The following PUDP variants were observed in gnomAD, a reference collection of about 807,000 sequenced individuals.
PUDP encodes pseudouridine-5'-phosphatase.
In PUDP, 8 loss-of-function variants were observed where a neutral mutation model predicts 9.4. That is an observed-to-expected ratio of 0.85 (90% CI 0.50 to 1.53). The LOEUF is 1.53. Among genes scored for constraint, PUDP ranks in the 40% most tolerant of loss-of-function variants. PUDP has a pLI of 0.00. For missense variants in PUDP, 188 were observed against 189.7 expected (o/e 0.99, Z 0.05); for synonymous variants, 99 against 80.7 (o/e 1.23, Z -1.22).
intron 3 of PUDP, among the ~76,000 whole-genome samples, chrX:6,798,652 T>A (rs1464333231): frequency 8.9e-6 from 1 of 112,224 alleles, no homozygotes; most frequent in Non-Finnish European, 1.9e-5. Flanking sequence ...TAACTCTTTA[T>A]AATAAAGCAG....
At chrX:6,897,257 C>T (rs1927606000) in intron 3 of PUDP, among the ~76,000 whole-genome samples, 1 of 111,927 alleles carries the variant, frequency 8.9e-6, no homozygotes, top group African/African-American at 3.2e-5. Flanking sequence ...CATGACATAA[C>T]TCAATAGTGT....
chrX:6,887,937 G>C (rs947909852), intron 3 of PUDP, among the ~76,000 whole-genome samples: 1 of 111,361 alleles, frequency 9.0e-6, no homozygotes, highest in African/African-American at 3.3e-5. Context: ...GATGGGGTAA[G>C]AAGCTAAGCT....
chrX:6,728,107 G>GCACC (rs1325424893), intron 3 of PUDP, among the ~76,000 whole-genome samples: 9 of 111,303 alleles, frequency 8.1e-5, no homozygotes, highest in African/African-American at 1.3e-4. Context: ...AAAGGCATGT[G>GCACC]TTACATGGTG....
At chrX:6,944,670 G>C (rs1274928014) in intron 3 of PUDP, among the ~76,000 whole-genome samples, 3 of 111,057 alleles carry the variant, frequency 2.7e-5, no homozygotes, top group African/African-American at 9.8e-5. Flanking sequence ...GGTCCCTATA[G>C]AAACAAAAGA....
In PUDP at chrX:6,882,650, AAGAAAATCCAACTGGGTATC is replaced by A. The variant is rs1190685130; in HGVS notation, c.*247+94463_*247+94482del. 2.7e-5 allele frequency among the ~76,000 whole-genome samples: 3 copies of A among 111,911 alleles called. No individual in the cohort carries two copies. In the East Asian group the frequency reaches 8.4e-4, roughly 31 times the overall value. The stretch of plus-strand genomic sequence containing the variant: ...GTCATGAGCGGTGGTTAAGGCAATA[AAGAAAATCCAACTGGGTATC>A]AGGAAAGACAACGACTATATCAGGG... On this transcript the variant is annotated intron_variant and NMD_transcript_variant, in intron 3 of 3. Coordinates refer to the PUDP transcript ENST00000655425.
intron 1 of PUDP, among the ~76,000 whole-genome samples, chrX:7,031,895 C>G (rs1168160608): frequency 8.9e-6 from 1 of 111,879 alleles, no homozygotes; most frequent in Non-Finnish European, 1.9e-5. Flanking sequence ...ATACCTGGCA[C>G]TAAACATTAA....
intron 3 of PUDP, among the ~76,000 whole-genome samples, chrX:6,810,759 G>A (rs954508667): frequency 9.0e-6 from 1 of 111,489 alleles, no homozygotes; most frequent in Non-Finnish European, 1.9e-5. Flanking sequence ...CAGAAAGAAG[G>A]AAAATGAAAT....
chrX:7,066,876 A>G (rs1602744466), intron 3 of PUDP, among the ~76,000 whole-genome samples: 1 of 111,800 alleles, frequency 8.9e-6, no homozygotes, highest in Non-Finnish European at 1.9e-5. Context: ...CACACACATA[A>G]ACACACACAC....
intron 3 of PUDP, among the ~76,000 whole-genome samples, chrX:6,813,822 A>G (rs1689890537): frequency 9.0e-6 from 1 of 111,324 alleles, no homozygotes; most frequent in South Asian, 3.8e-4. Flanking sequence ...TGACTTAGCA[A>G]TTGTCAGGGA....
chrX:6,933,344 G>A (rs1928236452), intron 3 of PUDP, among the ~76,000 whole-genome samples: 1 of 111,553 alleles, frequency 9.0e-6, no homozygotes, highest in South Asian at 3.8e-4. Context: ...CCGCTGTTCT[G>A]CAAACACCGC....
intron 1 of PUDP, among the ~76,000 whole-genome samples, chrX:6,716,232 T>C (rs1240132744): frequency 8.9e-6 from 1 of 111,995 alleles, no homozygotes; most frequent in Non-Finnish European, 1.9e-5. Flanking sequence ...GGAATGGCTC[T>C]GGGCTGAACT....
chrX:6,813,694 C>G lies in PUDP; in HGVS notation c.*248-107228G>C, dbSNP rs773699202. Among the ~76,000 whole-genome samples, 4 of 111,723 alleles carry G rather than the reference C, an allele frequency of 3.6e-5. No homozygotes were observed. In the South Asian group the frequency reaches 1.5e-3, roughly 42 times the overall value. On this transcript the variant is annotated intron_variant and NMD_transcript_variant, in intron 3 of 3. Coordinates refer to the PUDP transcript ENST00000655425. ...TCTCAGCACCCCTATTCAGCTATCA[C>G]TCTCGTTTTGCTGTAGTAGGTCACA...
intron 3 of PUDP, among the ~76,000 whole-genome samples, chrX:6,830,865 G>A (rs552579604): frequency 3.6e-5 from 4 of 112,071 alleles, no homozygotes; most frequent in Admixed American, 9.4e-5. Flanking sequence ...CTCCTTGCCC[G>A]CTGCCTAGAC....
intron 1 of PUDP, among the ~76,000 whole-genome samples, chrX:7,142,299 T>A (rs1386842493): frequency 8.9e-6 from 1 of 112,453 alleles, no homozygotes; most frequent in African/African-American, 3.2e-5. Context: ...ATATCAATGT[T>A]AACAGGAGTT....
At chrX:7,138,569 C>T (rs184775352) in intron 1 of PUDP, among the ~76,000 whole-genome samples, 12 of 110,986 alleles carry the variant, frequency 1.1e-4, no homozygotes, top group African/African-American at 3.6e-4. Context: ...GATGGGGTTT[C>T]GCCATGTTGG....
rs143341323 is a variant in PUDP at position 6,710,560 on chromosome X, G to A, written n.129-4094C>T. Among the ~76,000 whole-genome samples, 185 of 111,632 alleles carry A rather than the reference G, an allele frequency of 1.7e-3. 1 individual carries two copies. Among genetic ancestry groups the A allele is most frequent in the African/African-American group, 5.7e-3 (175 of 30,735 alleles). ...TCTAGACCCAGCAGAAATGGTTGGC[G>A]TCAAATGTTCAAGGAGCAACACTTT... On this transcript the variant is annotated intron_variant and non_coding_transcript_variant, in intron 1 of 2. Transcript: ENST00000438499.
intron 3 of PUDP, among the ~76,000 whole-genome samples, chrX:6,917,372 T>TA (rs11377739): frequency 0.48 from 46,521 of 97,841 alleles, 9,828 homozygotes; most frequent in African/African-American, 0.74. Context: ...AACTCAAAAT[T>TA]AAAAAAAAAA....
chrX:6,918,544 G>A, intron 3 of PUDP, among the ~76,000 whole-genome samples: 1 of 112,248 alleles, frequency 8.9e-6, no homozygotes, highest in Non-Finnish European at 1.9e-5. Context: ...TGTTCTGGCT[G>A]CTATAAAAAG....
chrX:6,860,621 G>A (rs372002219), intron 3 of PUDP, among the ~76,000 whole-genome samples: 194 of 110,909 alleles, frequency 1.7e-3, no homozygotes, highest in African/African-American at 5.9e-3. Context: ...ACAGGCGTGT[G>A]CCACCACACC....
Sources: gnomAD v4.1 joint callset for allele counts (sites outside exome capture counted in the v4.1 genomes callset) on GRCh38, gnomAD v4.1.1 for gene constraint, MANE v1.5 for transcripts, NCBI Gene and HGNC (gene_info 2026-07-23, HGNC 2026-07-21) for gene names.